CCDC141: variants seen among roughly 807,000 people sequenced by gnomAD.
CCDC141 encodes coiled-coil domain-containing protein 141.
A neutral mutation model predicts 181.0 loss-of-function variants in CCDC141; 168 were observed. The ratio of observed to expected loss-of-function variants is 0.93; its 90% CI spans 0.82 to 1.05. The LOEUF is 1.05. Ranked by LOEUF, CCDC141 falls within the 50% of genes least tolerant of loss-of-function variation. The pLI, the probability that CCDC141 is intolerant of heterozygous loss-of-function variation, is 0.00. For synonymous variants in CCDC141, 666 were observed against 642.3 expected, an observed-to-expected ratio of 1.04 and a Z score of -0.56; for missense variants, 1,902 against 1,788.5, an observed-to-expected ratio of 1.06 and a Z score of -1.14.
chr2:178,952,365 TA>T (rs1689984447), intron 5 of CCDC141, among the ~76,000 whole-genome samples: 1 of 152,236 alleles, frequency 6.6e-6, no homozygotes, highest in South Asian at 2.1e-4. Context: ...CAAAGCATTT[TA>T]AAATATATAA....
the CCDC141 span, among the ~76,000 whole-genome samples, chr2:178,823,854 C>T: frequency 6.6e-6 from 1 of 152,048 alleles, no homozygotes; most frequent in South Asian, 2.1e-4. Flanking sequence ...TGTGCTGAGT[C>T]TTTTATCCAG....
chr2:179,047,371 T>G lies in CCDC141; in HGVS notation c.138A>C (p.Ser46=). ...TGCCAATTTCTAGAAGATTGGGCTG[T>G]GATTCAGCCAGTTGAAGTTGTACCC... ...GKWVQLQLAE[S]QPNLLEIGSS... is the part of the protein sequence containing the mutation. Residue 46 remains serine, a synonymous_variant, in exon 2 of 24, where the codon TCA becomes TCC. Coordinates refer to ENST00000443758, the MANE Select transcript of CCDC141 (RefSeq NM_173648.4). 1 of 1,534,716 alleles carries G rather than the reference T, an allele frequency of 6.5e-7. No homozygotes were observed. Among genetic ancestry groups the G allele is most frequent in the Non-Finnish European group, 8.8e-7 (1 of 1,142,248 alleles).
At chr2:179,044,844 GC>G (rs997089768) in intron 2 of CCDC141, among the ~76,000 whole-genome samples, 1 of 152,160 alleles carries the variant, frequency 6.6e-6, no homozygotes, top group Non-Finnish European at 1.5e-5. Flanking sequence ...AGTTTACACA[GC>G]TTTTTGTGTA....
chr2:178,987,076 G>GCAT (rs1188693586), intron 2 of CCDC141, among the ~76,000 whole-genome samples: 623 of 148,556 alleles, frequency 4.2e-3, no homozygotes, highest in African/African-American at 0.015. Flanking sequence ...TATACTACAA[G>GCAT]GCTACAGTAA....
chr2:178,859,974 G>A (rs891662097), intron 17 of CCDC141, among the ~76,000 whole-genome samples: 3 of 152,180 alleles, frequency 2.0e-5, no homozygotes, highest in African/African-American at 7.2e-5. Flanking sequence ...GCCAATTTGT[G>A]TGAGGGACAT....
At chr2:178,818,419 G>A in the CCDC141 span, among the ~76,000 whole-genome samples, 1 of 152,056 alleles carries the variant, frequency 6.6e-6, no homozygotes, top group East Asian at 1.9e-4. Flanking sequence ...TATTCATCCT[G>A]ATGCTCTCCC....
At chr2:178,980,343 T>G (rs1428299717) in intron 2 of CCDC141, among the ~76,000 whole-genome samples, 2 of 152,024 alleles carry the variant, frequency 1.3e-5, no homozygotes, top group African/African-American at 4.8e-5. Context: ...CCAGCTACTC[T>G]GGAGGCTGAG....
chr2:179,039,121 T>G (rs915658890), intron 2 of CCDC141, among the ~76,000 whole-genome samples: 10 of 152,188 alleles, frequency 6.6e-5, no homozygotes, highest in African/African-American at 2.4e-4. Context: ...TAGACGCCTT[T>G]TGGGAGTTAA....
At chr2:178,973,563 C>G (rs911030860) in intron 4 of CCDC141, among the ~76,000 whole-genome samples, 1 of 152,038 alleles carries the variant, frequency 6.6e-6, no homozygotes, top group African/African-American at 2.4e-5. Flanking sequence ...CCCACAGTGC[C>G]GCAGATCCTA....
At chr2:178,904,064 A>AGAG (rs972612851) in intron 8 of CCDC141, among the ~76,000 whole-genome samples, 3 of 152,118 alleles carry the variant, frequency 2.0e-5, no homozygotes, top group Non-Finnish European at 2.9e-5. Context: ...AAGCTGGAAA[A>AGAG]GAGGAGGAGG....
rs1401498084 is a variant in CCDC141 at position 179,047,409 on chromosome 2, A to G, written c.103-3T>C. The G allele has an allele frequency of 6.7e-7, 1 of 1,497,210 alleles. No homozygotes were observed. The highest frequency in any genetic ancestry group is 8.9e-7 in the Non-Finnish European group (1 of 1,127,854). The allele number at this position is 1,497,210 out of a possible 1,614,324, so 92.7% of individuals were successfully genotyped here. A position where few individuals can be genotyped will look rare whatever the true frequency, so the allele number is the denominator to read the frequency against. ...TGAAGTTGTACCCATTTGCCACACT[A>G]AAAATAAAAATTAAATAAAATGCAC... On this transcript the variant is annotated splice_region_variant and splice_polypyrimidine_tract_variant and intron_variant, in intron 1 of 23. Transcript: ENST00000443758.
intron 21 of CCDC141, among the ~76,000 whole-genome samples, chr2:178,846,766 C>G (rs1452769873): frequency 6.6e-6 from 1 of 152,188 alleles, no homozygotes; most frequent in East Asian, 1.9e-4. Flanking sequence ...TTGGACTTTT[C>G]CTTTCACCTC....
At chr2:179,032,132 G>A (rs971877675) in intron 2 of CCDC141, among the ~76,000 whole-genome samples, 2 of 152,026 alleles carry the variant, frequency 1.3e-5, no homozygotes, top group African/African-American at 4.8e-5. Context: ...CCCCTTACTG[G>A]TTCTCTGGCA....
intron 7 of CCDC141, 58 bp from the exon 8 acceptor site, chr2:178,905,559 G>T: frequency 1.4e-6 from 2 of 1,434,584 alleles, no homozygotes; most frequent in Non-Finnish European, 1.9e-6. Flanking sequence ...CTACATCAAC[G>T]TGTACACAAA....
chr2:178,954,871 T>A (rs1690096456), intron 5 of CCDC141, among the ~76,000 whole-genome samples: 1 of 151,868 alleles, frequency 6.6e-6, no homozygotes. Context: ...TGTTCTAGAA[T>A]TATCAGGTAG....
intron 11 of CCDC141, 96 bp downstream of exon 11, chr2:178,884,804 TG>T: frequency 1.1e-6 from 1 of 930,400 alleles, no homozygotes; most frequent in Non-Finnish European, 1.6e-6. Context: ...GTAGAGGATA[TG>T]GACCTACCCA....
At chr2:178,930,311 C>CTAAATAAATGAAAAACCTAAA (rs1553485658) in intron 6 of CCDC141, among the ~76,000 whole-genome samples, 3 of 151,774 alleles carry the variant, frequency 2.0e-5, no homozygotes, top group Non-Finnish European at 4.4e-5. Context: ...AATGAAAAAC[C>CTAAATAAATGAAAAACCTAAA]TAAATAAATG....
intron 2 of CCDC141, among the ~76,000 whole-genome samples, chr2:179,033,076 C>A (rs1358569248): frequency 1.3e-5 from 2 of 149,466 alleles, no homozygotes; most frequent in Non-Finnish European, 3.0e-5. Flanking sequence ...TAAGGCTAAT[C>A]AGGCAGAAGT....
chr2:179,046,757 A>G (rs1293724482), intron 2 of CCDC141, among the ~76,000 whole-genome samples: 1 of 152,160 alleles, frequency 6.6e-6, no homozygotes, highest in African/African-American at 2.4e-5. Flanking sequence ...CCTCAAACCA[A>G]TGTTACTTTT....
Sources: allele counts gnomAD v4.1 joint callset (sites outside exome capture counted in the v4.1 genomes callset), GRCh38; gene constraint gnomAD v4.1.1; transcripts MANE v1.5; gene names NCBI Gene and HGNC (gene_info 2026-07-23, HGNC 2026-07-21).